Variants in BTBD9 observed in about 807,000 individuals in gnomAD.
BTBD9 encodes BTB domain containing 9, also known as BTB/POZ domain-containing protein 9.
Under a neutral mutation model 64.3 loss-of-function variants are expected in BTBD9, and 49 were observed. That is an observed-to-expected ratio of 0.76 (90% CI 0.61 to 0.97). The LOEUF is 0.97. Among genes scored for constraint, BTBD9 ranks in the 50% least tolerant of loss-of-function variants. The probability of loss-of-function intolerance (pLI) is 0.00; values close to 1 mark genes in which losing one functional copy is unlikely to be tolerated. For missense variants in BTBD9, 598 were observed against 762.1 expected (o/e 0.78, Z 2.53); for synonymous variants, 260 against 274.7 (o/e 0.95, Z 0.53).
At chr6:38,459,866 A>G (rs1356338801) in intron 6 of BTBD9, among the ~76,000 whole-genome samples, 1 of 152,190 alleles carries the variant, frequency 6.6e-6, no homozygotes, top group East Asian at 1.9e-4. Flanking sequence ...GTAGCCTTTG[A>G]TTTTAAAAGA....
intron 6 of BTBD9, among the ~76,000 whole-genome samples, chr6:38,375,934 AGAAAGAAGGAAAGAAG>A (rs770074471): frequency 0.081 from 9,362 of 115,544 alleles, 556 homozygotes; most frequent in East Asian, 0.32. Context: ...AAAGAAAGAA[AGAAAGAAGGAAAGAAG>A]GAAAGAAAGA....
At chr6:38,506,405 A>G (rs1772518280) in intron 6 of BTBD9, among the ~76,000 whole-genome samples, 1 of 152,252 alleles carries the variant, frequency 6.6e-6, no homozygotes, top group African/African-American at 2.4e-5. Flanking sequence ...TTTACTGAAT[A>G]AAGTAAACTG....
chr6:38,173,911 A>G lies in BTBD9; in HGVS notation c.*1074T>C, dbSNP rs952245088. The G allele has an allele frequency of 2.6e-5, 4 of 152,254 alleles. No homozygotes were observed. The highest frequency in any genetic ancestry group is 4.4e-5 in the Non-Finnish European group (3 of 68,064). 9.4% of individuals were successfully genotyped at this position (152,254 alleles called of 1,614,324 possible). A position where few individuals can be genotyped will look rare whatever the true frequency, so the allele number is the denominator to read the frequency against. On this transcript the variant is annotated 3_prime_UTR_variant, in exon 11 of 11. Coordinates refer to ENST00000481247, the MANE Select transcript of BTBD9 (RefSeq NM_001099272.2). ...ACCATCGTCAAATGAGGTCCTTTTG[A>G]TGAGGATTAGGAGAAAAGCTTCTTG...
intron 7 of BTBD9, among the ~76,000 whole-genome samples, chr6:38,336,597 C>T (rs2127585185): frequency 6.6e-6 from 1 of 152,256 alleles, no homozygotes; most frequent in Non-Finnish European, 1.5e-5. Context: ...TTACCTCCCA[C>T]CGGGTCCCTC....
rs147226787 is a variant in BTBD9 at position 38,258,717 on chromosome 6, C to T, written c.1455-2201G>A. Among the ~76,000 whole-genome samples, 214 of 152,156 alleles carry T rather than the reference C, an allele frequency of 1.4e-3. 1 individual carries two copies. The highest frequency in any genetic ancestry group is 4.8e-3 in the African/African-American group (198 of 41,506). ...CATCCTGGCTAACACAGTGAAACGCCGTCTCTACTAAAAATACAAAAAATT... is the reference window on the plus strand; with the variant it reads ...CATCCTGGCTAACACAGTGAAACGCTGTCTCTACTAAAAATACAAAAAATT... On this transcript the variant is annotated intron_variant, in intron 8 of 10. Coordinates refer to ENST00000481247, the MANE Select transcript of BTBD9 (RefSeq NM_001099272.2).
chr6:38,536,762 A>T (rs540016322), intron 6 of BTBD9, among the ~76,000 whole-genome samples: 10 of 152,314 alleles, frequency 6.6e-5, no homozygotes, highest in Non-Finnish European at 1.2e-4. Context: ...GGCTAAAAAA[A>T]TGAAAACAAT....
chr6:38,484,761 T>G (rs1159416869), intron 6 of BTBD9, among the ~76,000 whole-genome samples: 1 of 152,230 alleles, frequency 6.6e-6, no homozygotes, highest in East Asian at 1.9e-4. Context: ...AAAACATACT[T>G]TATTGCTAAA....
rs139734173 is a variant in BTBD9 at position 38,635,715 on chromosome 6, G to T, written c.-28+4085C>A. ...GCAAGAAGGCCCTCACCAGATACTG[G>T]CACATTGATCTGGGACTTCCTAGCC... On this transcript the variant is annotated intron_variant, in intron 1 of 10. Coordinates refer to ENST00000481247, the MANE Select transcript of BTBD9 (RefSeq NM_001099272.2). Among the ~76,000 whole-genome samples, 14 of 152,272 alleles carry T rather than the reference G, an allele frequency of 9.2e-5. No homozygotes were observed. In the East Asian group the frequency reaches 2.1e-3, roughly 23 times the overall value.
intron 6 of BTBD9, among the ~76,000 whole-genome samples, chr6:38,420,551 T>TA (rs908888617): frequency 2.0e-5 from 3 of 151,556 alleles, no homozygotes; most frequent in Non-Finnish European, 4.4e-5. Context: ...CAGAGAAGGT[T>TA]AAAAAAAATA....
chr6:38,202,093 T>G (rs12206718), intron 9 of BTBD9, among the ~76,000 whole-genome samples: 53,833 of 147,782 alleles, frequency 0.36, 10,628 homozygotes, highest in Non-Finnish European at 0.44. Flanking sequence ...TTGTTTTTTT[T>G]TTTTTTTTTT....
At chr6:38,417,438 A>G (rs558753379) in intron 6 of BTBD9, among the ~76,000 whole-genome samples, 1 of 152,312 alleles carries the variant, frequency 6.6e-6, no homozygotes, top group East Asian at 1.9e-4. Context: ...CTAAAGGGTA[A>G]GGCTTTGTCT....
At position 38,519,883 on chromosome 6, in the gene BTBD9, A is replaced by T. The variant is rs1047857809; in HGVS notation, c.1154+57717T>A. On this transcript the variant is annotated intron_variant, in intron 6 of 10. Coordinates refer to ENST00000481247, the MANE Select transcript of BTBD9 (RefSeq NM_001099272.2). ...GCTTACAACCAGAGTCTTGACTAAC[A>T]TACTAGCCTAAGGCAATAATAAGCA... 2.0e-5 allele frequency among the ~76,000 whole-genome samples: 3 copies of T among 152,248 alleles called. No individual in the cohort carries two copies. The East Asian group carries it at 5.8e-4, about 29-fold the overall frequency.
chr6:38,350,633 T>C (rs919924978), intron 6 of BTBD9, among the ~76,000 whole-genome samples: 7 of 152,268 alleles, frequency 4.6e-5, no homozygotes, highest in African/African-American at 1.7e-4. Context: ...CAAATTGAAC[T>C]TTATATTCTT....
intron 6 of BTBD9, among the ~76,000 whole-genome samples, chr6:38,512,209 G>A (rs1772807533): frequency 6.6e-6 from 1 of 151,998 alleles, no homozygotes; most frequent in African/African-American, 2.4e-5. Context: ...CCGATCTCAG[G>A]TGATCTGCCC....
chr6:38,604,771 G>A (rs1226672072), intron 1 of BTBD9, among the ~76,000 whole-genome samples: 1 of 152,122 alleles, frequency 6.6e-6, no homozygotes, highest in Non-Finnish European at 1.5e-5. Flanking sequence ...CAAATAATTG[G>A]CTATGTGCTC....
chr6:38,397,170 G>T (rs561194600), intron 6 of BTBD9, among the ~76,000 whole-genome samples: 1 of 152,078 alleles, frequency 6.6e-6, no homozygotes, highest in East Asian at 1.9e-4. Flanking sequence ...CCAAAGTGCT[G>T]GGATTACAGG....
At chr6:38,207,861 C>A (rs1035016101) in intron 9 of BTBD9, among the ~76,000 whole-genome samples, 3 of 151,856 alleles carry the variant, frequency 2.0e-5, no homozygotes, top group Non-Finnish European at 4.4e-5. Flanking sequence ...AAAAGAAAAG[C>A]AGTTGCTTTC....
At chr6:38,208,995 T>A (rs887793531) in intron 9 of BTBD9, among the ~76,000 whole-genome samples, 1 of 152,232 alleles carries the variant, frequency 6.6e-6, no homozygotes, top group Non-Finnish European at 1.5e-5. Context: ...CTCACAGACA[T>A]ACCTTGCTGG....
chr6:38,372,050 C>A (rs1464821008), intron 6 of BTBD9, among the ~76,000 whole-genome samples: 1 of 152,066 alleles, frequency 6.6e-6, no homozygotes, highest in East Asian at 1.9e-4. Context: ...AATTAGATGT[C>A]CTCCTCCCAC....
Sources: gnomAD v4.1 joint callset for allele counts (sites outside exome capture counted in the v4.1 genomes callset) on GRCh38, gnomAD v4.1.1 for gene constraint, MANE v1.5 for transcripts, NCBI Gene and HGNC (gene_info 2026-07-23, HGNC 2026-07-21) for gene names.